RUFY3: variants seen among roughly 807,000 people sequenced by gnomAD.
The protein encoded by RUFY3 is protein RUFY3.
Under a neutral mutation model 84.0 loss-of-function variants are expected in RUFY3, and 34 were observed. That is an observed-to-expected ratio of 0.40 (90% CI 0.31 to 0.54). RUFY3 has a LOEUF of 0.54. RUFY3 is among the 20% of genes least tolerant of loss of function. The pLI is 0.39. For missense variants in RUFY3, 507 were observed against 736.8 expected (o/e 0.69, Z 3.61); for synonymous variants, 242 against 252.9 (o/e 0.96, Z 0.41).
At chr4:70,718,318 G>A (rs1381064060), upstream of RUFY3, among the ~76,000 whole-genome samples, 2 of 152,170 alleles carry the variant, frequency 1.3e-5, no homozygotes, top group Admixed American at 6.5e-5. Flanking sequence ...AGTAGCAGCC[G>A]AGTACAAATA....
chr4:70,737,581 C>A (rs867361946), intron 1 of RUFY3, among the ~76,000 whole-genome samples: 7 of 152,244 alleles, frequency 4.6e-5, no homozygotes, highest in Middle Eastern at 6.8e-3. Context: ...CGCTCACCCC[C>A]CATCAGGCTC....
intron 1 of RUFY3, among the ~76,000 whole-genome samples, chr4:70,733,484 C>T (rs1197700097): frequency 6.6e-6 from 1 of 152,044 alleles, no homozygotes; most frequent in African/African-American, 2.4e-5. Context: ...GTACCAGACA[C>T]CTATCCTAAG....
At chr4:70,806,256 A>G (rs1466239442) in intron 17 of RUFY3, among the ~76,000 whole-genome samples, 1 of 152,236 alleles carries the variant, frequency 6.6e-6, no homozygotes, top group Non-Finnish European at 1.5e-5. Flanking sequence ...TGTGAAGGAT[A>G]TTCTAAAGAT....
intron 8 of RUFY3, among the ~76,000 whole-genome samples, chr4:70,781,402 C>T (rs540674450): frequency 3.2e-4 from 49 of 152,232 alleles, no homozygotes; most frequent in Admixed American, 7.2e-4. Context: ...ATTGCTTGAG[C>T]CTGGGAGACC....
At chr4:70,781,060 G>T (rs1236296087) in intron 8 of RUFY3, among the ~76,000 whole-genome samples, 1 of 147,092 alleles carries the variant, frequency 6.8e-6, no homozygotes, top group African/African-American at 2.5e-5. Flanking sequence ...ACCAGCGTGG[G>T]CAACATAGCA....
At chr4:70,772,764 A>G (rs1727184600) in intron 5 of RUFY3, among the ~76,000 whole-genome samples, 1 of 151,944 alleles carries the variant, frequency 6.6e-6, no homozygotes, top group South Asian at 2.1e-4. Context: ...GGATTCAAGC[A>G]ATTCTCCTGC....
At chr4:70,789,958 G>T (rs1032157524) in intron 12 of RUFY3, 4 of 929,204 alleles carry the variant, frequency 4.3e-6, no homozygotes, top group Non-Finnish European at 3.9e-6. Flanking sequence ...GTTCATCACT[G>T]AAGTCTTTGA....
At chr4:70,752,929 C>T (rs557055209) in intron 1 of RUFY3, among the ~76,000 whole-genome samples, 2 of 152,088 alleles carry the variant, frequency 1.3e-5, no homozygotes, top group Admixed American at 1.3e-4. Context: ...AGAATGAGTT[C>T]GGAAGTTCTC....
chr4:70,741,162 A>ATT lies in RUFY3; in HGVS notation c.178+18424_178+18425dup, dbSNP rs767040156. On this transcript the variant is annotated intron_variant, in intron 1 of 17. Transcript: ENST00000381006. ...AGGGGGAGTTGGAAAAAGTATTTGG[A>ATT]TTTTTTTTTTTTTTAAGAAAAGTCA... Among the ~76,000 whole-genome samples, 671 of 143,196 alleles carry ATT rather than the reference A, an allele frequency of 4.7e-3. 5 individuals carry two copies. The highest frequency in any genetic ancestry group is 0.016 in the African/African-American group (639 of 39,574). 93.9% of individuals were successfully genotyped at this position (143,196 alleles called of 152,430 possible).
chr4:70,722,009 C>T lies in RUFY3; in HGVS notation c.-565C>T, dbSNP rs78815561. 545 of 1,232,176 alleles carry T rather than the reference C, an allele frequency of 4.4e-4. 2 individuals are homozygous for T. In the African/African-American group the frequency reaches 7.3e-3, roughly 17 times the overall value. 76.3% of individuals were successfully genotyped at this position (1,232,176 alleles called of 1,614,324 possible). On this transcript the variant is annotated 5_prime_UTR_variant, in exon 1 of 18. It adds an upstream start codon to the 5' untranslated region. Coordinates refer to ENST00000381006, the MANE Select transcript of RUFY3 (RefSeq NM_001037442.4). ...TGGTCAACACCCTGCTTACTGCGCACGGCCAATCCTATGAGAACTCAGCAT... is the reference window on the plus strand; with the variant it reads ...TGGTCAACACCCTGCTTACTGCGCATGGCCAATCCTATGAGAACTCAGCAT...
intron 1 of RUFY3, among the ~76,000 whole-genome samples, chr4:70,745,975 G>A (rs1170240635): frequency 6.6e-6 from 1 of 152,142 alleles, no homozygotes; most frequent in Non-Finnish European, 1.5e-5. Flanking sequence ...GGGAGGCAGA[G>A]GTTGCGGTGA....
chr4:70,716,170 G>GAGT (rs1267473891), intron 1 of RUFY3, among the ~76,000 whole-genome samples: 1 of 151,866 alleles, frequency 6.6e-6, no homozygotes, highest in East Asian at 1.9e-4. Context: ...TTTTGAGACG[G>GAGT]AGTCTCTCTC....
At chr4:70,775,803 G>A (rs1345158332) in intron 7 of RUFY3, among the ~76,000 whole-genome samples, 1 of 151,904 alleles carries the variant, frequency 6.6e-6, no homozygotes, top group Non-Finnish European at 1.5e-5. Flanking sequence ...AAAACTAGCC[G>A]GGCATGTGCC....
At chr4:70,803,099 C>T (rs1732443392) in intron 16 of RUFY3, 116 bp downstream of exon 16, 2 of 706,606 alleles carry the variant, frequency 2.8e-6, no homozygotes, top group South Asian at 1.8e-5. Context: ...GTGTGCCATC[C>T]TTCTAACAAT....
At chr4:70,737,676 C>CTTTTT (rs57075760) in intron 1 of RUFY3, among the ~76,000 whole-genome samples, 11 of 134,436 alleles carry the variant, frequency 8.2e-5, no homozygotes, top group African/African-American at 2.8e-4. Context: ...ATTAATTCCT[C>CTTTTT]TTTTTTTTTT....
chr4:70,706,300 A>G (rs1041966015), intron 1 of RUFY3, among the ~76,000 whole-genome samples: 9 of 152,234 alleles, frequency 5.9e-5, no homozygotes, highest in East Asian at 1.9e-4. Flanking sequence ...CATACACCCT[A>G]TATTTTTAAA....
In RUFY3 at chr4:70,797,354, A is replaced by G. The variant is rs111663914; in HGVS notation, c.1557+2460A>G. Among the ~76,000 whole-genome samples, 862 of 152,290 alleles carry G rather than the reference A, an allele frequency of 5.7e-3. 14 individuals carry two copies. The highest frequency in any genetic ancestry group is 0.02 in the African/African-American group (836 of 41,552). ...TTTATTTTGGTGCGAAATATTTTTG[A>G]AGTCCATGCACAGTCTTTTCGTAAT... On this transcript the variant is annotated intron_variant, in intron 14 of 17. Transcript: ENST00000381006.
At chr4:70,735,526 T>G (rs991107179) in intron 1 of RUFY3, among the ~76,000 whole-genome samples, 20 of 152,182 alleles carry the variant, frequency 1.3e-4, no homozygotes, top group Admixed American at 1.1e-3. Flanking sequence ...TGTATGTCAG[T>G]GTGTTGAAAA....
At chr4:70,765,270 G>A (rs1725696745) in intron 4 of RUFY3, among the ~76,000 whole-genome samples, 1 of 150,472 alleles carries the variant, frequency 6.6e-6, no homozygotes, top group Non-Finnish European at 1.5e-5. Flanking sequence ...GATACAACTG[G>A]GAGAGGCAAA....
Sources: allele counts gnomAD v4.1 joint callset (sites outside exome capture counted in the v4.1 genomes callset), GRCh38; gene constraint gnomAD v4.1.1; transcripts MANE v1.5; gene names NCBI Gene and HGNC (gene_info 2026-07-23, HGNC 2026-07-21).